SLC17A6: variants seen among roughly 807,000 people sequenced by gnomAD.
SLC17A6 encodes the protein solute carrier family 17 member 6.
In SLC17A6, 35 loss-of-function variants were observed where a neutral mutation model predicts 67.1. The ratio of observed to expected loss-of-function variants is 0.52; its 90% confidence interval spans 0.40 to 0.69. The LOEUF is 0.69. Among genes scored for constraint, SLC17A6 ranks in the 30% least tolerant of loss-of-function variants. SLC17A6 has a pLI of 0.00. For missense variants in SLC17A6, 588 were observed against 723.9 expected, an observed-to-expected ratio of 0.81 and a Z score of 2.15; for synonymous variants, 285 against 252.3, an observed-to-expected ratio of 1.13 and a Z score of -1.23.
At chr11:22,364,224 A>C (rs1165986400) in intron 6 of SLC17A6, among the ~76,000 whole-genome samples, 2 of 152,140 alleles carry the variant, frequency 1.3e-5, no homozygotes, top group African/African-American at 4.8e-5. Flanking sequence ...TAAAAAAGAT[A>C]ATACATATAA....
intron 3 of SLC17A6, among the ~76,000 whole-genome samples, chr11:22,348,141 T>C (rs1166562774): frequency 6.6e-6 from 1 of 152,176 alleles, no homozygotes; most frequent in Non-Finnish European, 1.5e-5. Context: ...GGATTGTGAC[T>C]AGAACTCACT....
chr11:22,365,502 C>G (rs1206312824), intron 6 of SLC17A6, 45 bp from the exon 7 acceptor site: 17 of 1,604,684 alleles, frequency 1.1e-5, no homozygotes, highest in Non-Finnish European at 1.4e-5. Context: ...CAGCACATCA[C>G]TGTTAAATGG....
At chr11:22,360,417 A>T (rs916019459) in intron 4 of SLC17A6, among the ~76,000 whole-genome samples, 2 of 151,948 alleles carry the variant, frequency 1.3e-5, no homozygotes, top group Non-Finnish European at 2.9e-5. Flanking sequence ...CCAGTAAACC[A>T]CCATGGCACA....
chr11:22,343,433 T>C, intron 3 of SLC17A6, 68 bp downstream of exon 3: 2 of 1,370,908 alleles, frequency 1.5e-6, no homozygotes, highest in Non-Finnish European at 2.0e-6. Flanking sequence ...CAGCAGAAGC[T>C]GGAGCAGAGA....
chr11:22,346,555 C>T (rs113063905), intron 3 of SLC17A6, among the ~76,000 whole-genome samples: 6 of 152,014 alleles, frequency 3.9e-5, no homozygotes, highest in African/African-American at 1.4e-4. Context: ...ATTTAGTCAC[C>T]TCCAGGAAAG....
At position 22,343,890 on chromosome 11, in the gene SLC17A6, C is replaced by T. The variant is rs117577915; in HGVS notation, c.458+525C>T. Among the ~76,000 whole-genome samples the T allele has an allele frequency of 7.0e-4, 107 of 152,200 alleles. 2 individuals are homozygous for T. In the East Asian group the frequency reaches 0.017, roughly 24 times the overall value. On this transcript the variant is annotated intron_variant, in intron 3 of 11. Coordinates refer to ENST00000263160, the MANE Select transcript of SLC17A6 (RefSeq NM_020346.3). ...GGCAGGCACCAGCGATGCGATTTCA[C>T]CTGTTAATGAGCTGCGTAGGGGCGG...
chr11:22,342,793 C>G (rs1418161643), intron 2 of SLC17A6: 1 of 348,936 alleles, frequency 2.9e-6, no homozygotes, highest in Non-Finnish European at 5.7e-6. Context: ...ACCATTTGCT[C>G]CCCACCTTCC....
chr11:22,354,314 C>T (rs913887835), intron 3 of SLC17A6, among the ~76,000 whole-genome samples: 5 of 152,130 alleles, frequency 3.3e-5, no homozygotes, highest in South Asian at 2.1e-4. Context: ...GAACTCCTGA[C>T]CTCAGGCGAT....
chr11:22,361,623 C>T lies in SLC17A6; in HGVS notation c.661+639C>T, dbSNP rs140669514. On this transcript the variant is annotated intron_variant, in intron 5 of 11. Transcript: ENST00000263160. ...ATTTTTGGGATCAAAACTGACCTTA[C>T]TACTATTTTGGGAAATAGAATTAAT... Among the ~76,000 whole-genome samples the T allele has an allele frequency of 9.1e-3, 1,388 of 152,248 alleles. 12 individuals are homozygous for T. Among genetic ancestry groups the T allele is most frequent in the Non-Finnish European group, 0.013 (886 of 68,010 alleles).
chr11:22,339,187 A>ATGTTATATATATATGTTTTT (rs1855783035), intron 1 of SLC17A6, among the ~76,000 whole-genome samples: 1 of 87,388 alleles, frequency 1.1e-5, no homozygotes, highest in African/African-American at 3.7e-5. Flanking sequence ...TGTTTTATAT[A>ATGTTATATATATATGTTTTT]TATATATATA....
chr11:22,345,706 T>C (rs1855868659), intron 3 of SLC17A6, among the ~76,000 whole-genome samples: 1 of 152,200 alleles, frequency 6.6e-6, no homozygotes, highest in Non-Finnish European at 1.5e-5. Flanking sequence ...GACATTTTGC[T>C]TCATTTTGAA....
Position 22,359,515 on chromosome 11 carries a change from G to A in SLC17A6, c.561G>A (p.Gln187=), listed in dbSNP as rs769766453. The A allele has an allele frequency of 1.9e-6, 3 of 1,587,596 alleles. No individual in the cohort carries two copies. The South Asian group carries it at 3.5e-5, about 18-fold the overall frequency. Reference sequence around the variant, plus strand: ...GTGTCATCTTTGTCAGAATACTGCAGGGACTTGTTGAGGTATGTAACTTCA... The same window carrying A: ...GTGTCATCTTTGTCAGAATACTGCAAGGACTTGTTGAGGTATGTAACTTCA... ...YGCVIFVRIL[Q]GLVEGVTYPA... Residue 187 remains glutamine (Q), a synonymous_variant, in exon 4 of 12, where the codon CAG becomes CAA. Transcript: ENST00000263160.
chr11:22,363,965 G>C (rs1856080462), intron 6 of SLC17A6, among the ~76,000 whole-genome samples: 1 of 152,078 alleles, frequency 6.6e-6, no homozygotes, highest in Admixed American at 6.6e-5. Flanking sequence ...CTTAAGTGAA[G>C]ATATGTGACC....
chr11:22,365,899 C>A (rs1201855936), intron 7 of SLC17A6, among the ~76,000 whole-genome samples: 1 of 152,046 alleles, frequency 6.6e-6, no homozygotes, highest in Non-Finnish European at 1.5e-5. Flanking sequence ...CTTTCTTAAG[C>A]ATTTAAAAAT....
At chr11:22,339,381 A>G (rs1485165374) in intron 1 of SLC17A6, among the ~76,000 whole-genome samples, 1 of 151,642 alleles carries the variant, frequency 6.6e-6, no homozygotes, top group Non-Finnish European at 1.5e-5. Flanking sequence ...AATTATTTTC[A>G]TCTCCTAGAG....
intron 5 of SLC17A6, among the ~76,000 whole-genome samples, chr11:22,362,536 G>C (rs1422777452): frequency 6.6e-6 from 1 of 152,114 alleles, no homozygotes; most frequent in Non-Finnish European, 1.5e-5. Flanking sequence ...TAGGAGGTAG[G>C]TGTTATCCAC....
rs746339366 is a variant in SLC17A6 at position 22,377,586 on chromosome 11, C to T, written c.1595C>T (p.Thr532Ile). 2 of 1,614,088 alleles carry T rather than the reference C, an allele frequency of 1.2e-6. No homozygotes were observed. The highest frequency in any genetic ancestry group is 2.2e-5 in the South Asian group (2 of 91,080). ...CTCGATGAAGAAACAGGGGACATTA[C>T]TCAAAATTATATAAATTATGGTACC... Reference protein sequence around the residue: ...DELDEETGDITQNYINYGTTK... With the variant: ...DELDEETGDIIQNYINYGTTK... The change falls in exon 12 of 12, where the codon ACT becomes ATT. Residue 532 changes from threonine (T) to isoleucine (I), a missense_variant. Thr to Ile is a moderately conservative substitution (Grantham distance 89). This residue lies in a region of SLC17A6 where 414 missense variants were observed against 563.4 expected (regional missense o/e 0.73). Coordinates refer to ENST00000263160, the MANE Select transcript of SLC17A6 (RefSeq NM_020346.3).
chr11:22,355,007 G>C (rs1270094752), intron 3 of SLC17A6, among the ~76,000 whole-genome samples: 2 of 152,168 alleles, frequency 1.3e-5, no homozygotes, highest in African/African-American at 2.4e-5. Flanking sequence ...GTAATCCTAA[G>C]AGATACAACA....
At chr11:22,338,828 TG>T (rs1855767087) in intron 1 of SLC17A6, among the ~76,000 whole-genome samples, 1 of 150,836 alleles carries the variant, frequency 6.6e-6, no homozygotes, top group South Asian at 2.1e-4. Flanking sequence ...TGTGTGTGTG[TG>T]TGTGTGTGTG....
Sources: gnomAD v4.1 joint callset for allele counts (sites outside exome capture counted in the v4.1 genomes callset) on GRCh38, gnomAD v4.1.1 for gene constraint, gnomAD v4.1.1 regional missense constraint, MANE v1.5 for transcripts, NCBI Gene and HGNC (gene_info 2026-07-23, HGNC 2026-07-21) for gene names.